Variants in LMNB2 observed in about 807,000 individuals in gnomAD.
The protein encoded by LMNB2 is lamin B2.
Under a neutral mutation model 69.3 loss-of-function variants are expected in LMNB2, and 17 were observed. The observed-to-expected ratio is 0.25, with a 90% CI of 0.17 to 0.37. The LOEUF is 0.37. Ranked by LOEUF, LMNB2 falls within the 10% of genes least tolerant of loss-of-function variation. LMNB2 has a pLI of 1.00. For synonymous variants in LMNB2, 397 were observed against 389.3 expected, an observed-to-expected ratio of 1.02 and a Z score of -0.23; for missense variants, 789 against 883.6, an observed-to-expected ratio of 0.89 and a Z score of 1.36.
chr19:2,455,350 A>C (rs1451735935), intron 1 of LMNB2, among the ~76,000 whole-genome samples: 7 of 124,304 alleles, frequency 5.6e-5, no homozygotes, highest in African/African-American at 1.3e-4. Flanking sequence ...CCCCCATTCC[A>C]CCCCAGATAC....
chr19:2,431,995 T>C (rs746500821), intron 9 of LMNB2, 93 bp from the exon 10 acceptor site: 7 of 1,482,686 alleles, frequency 4.7e-6, no homozygotes, highest in Non-Finnish European at 6.4e-6. Context: ...CCCCCTTCAA[T>C]GCCCTGGGCG....
At chr19:2,436,204 AC>A (rs1971819530) in intron 4 of LMNB2, among the ~76,000 whole-genome samples, 1 of 151,998 alleles carries the variant, frequency 6.6e-6, no homozygotes, top group Non-Finnish European at 1.5e-5. Flanking sequence ...AATCGCTTGA[AC>A]CCAGGAGGCG....
At chr19:2,440,776 A>C (rs1240483874) in intron 2 of LMNB2, among the ~76,000 whole-genome samples, 1 of 149,470 alleles carries the variant, frequency 6.7e-6, no homozygotes, top group Admixed American at 6.6e-5. Context: ...TCTATCCATT[A>C]TCTATCCATC....
chr19:2,437,733 G>A (rs2145453447), intron 4 of LMNB2, among the ~76,000 whole-genome samples: 1 of 149,968 alleles, frequency 6.7e-6, no homozygotes, highest in South Asian at 2.1e-4. Context: ...CTGGGAGGCG[G>A]AGGTTGCAGT....
chr19:2,436,494 G>A (rs1037144019), intron 4 of LMNB2, among the ~76,000 whole-genome samples: 15 of 151,844 alleles, frequency 9.9e-5, no homozygotes, highest in African/African-American at 1.5e-4. Flanking sequence ...AGAGCCCTGC[G>A]GGCCGCGCAC....
chr19:2,453,959 C>T lies in LMNB2; in HGVS notation c.264+2711G>A, dbSNP rs1260041812. Among the ~76,000 whole-genome samples the T allele has an allele frequency of 1.3e-5, 2 of 152,172 alleles. No individual in the cohort carries two copies. On this transcript the variant is annotated intron_variant, in intron 1 of 11. Coordinates refer to ENST00000325327, the MANE Select transcript of LMNB2 (RefSeq NM_032737.4). The surrounding 1 kb of genome is among the most constrained non-coding windows in gnomAD (Gnocchi z 4.4). ...TGGACAGATGGCAAGATGGAGGCTC[C>T]AAGAGACACAGGGGCCTGCCCAAAG...
At chr19:2,441,613 T>G (rs1477700251) in intron 2 of LMNB2, among the ~76,000 whole-genome samples, 2 of 152,186 alleles carry the variant, frequency 1.3e-5, no homozygotes, top group African/African-American at 4.8e-5. Flanking sequence ...GTGCCCGCTG[T>G]GTGGAAGGCA....
chr19:2,455,863 C>T (rs952495353), intron 1 of LMNB2, among the ~76,000 whole-genome samples: 1 of 151,596 alleles, frequency 6.6e-6, no homozygotes, highest in African/African-American at 2.4e-5. Context: ...GCTCAGGGTC[C>T]CCCGTGATCG....
At position 2,434,300 on chromosome 19, in the gene LMNB2, C is replaced by T. The variant is rs377234774; in HGVS notation, c.1197G>A (p.Glu399=). Residue 399 remains glutamate (E), a synonymous_variant, in exon 7 of 12, where the codon GAG becomes GAA. Coordinates refer to ENST00000325327, the MANE Select transcript of LMNB2 (RefSeq NM_032737.4). ...NAYRKLLEGE[E]ERLKLSPSPS... is the part of the protein sequence containing the mutation. ...AGCCTCCTGGCCTGCCGCACCTCTC[C>T]TCCTCGCCCTCCAGGAGCTTCCGGT... 17 of 1,612,600 alleles carry T rather than the reference C, an allele frequency of 1.1e-5. No individual in the cohort carries two copies. The African/African-American group carries it at 2.0e-4, about 19-fold the overall frequency.
intron 2 of LMNB2, 24 bp from the exon 3 acceptor site, chr19:2,438,555 G>A: frequency 6.2e-7 from 1 of 1,603,756 alleles, no homozygotes; most frequent in Middle Eastern, 2.2e-4. Context: ...GGGCAAGTGA[G>A]TGGGGAGGGG....
Position 2,438,286 on chromosome 19 carries a change from G to C in LMNB2, c.561C>G (p.Ala187=). 1 of 1,613,922 alleles carries C rather than the reference G, an allele frequency of 6.2e-7. No individual in the cohort carries two copies. Among genetic ancestry groups the C allele is most frequent in the Non-Finnish European group, 8.5e-7 (1 of 1,180,020 alleles). ...TTTTGGCCACTGCATGACCGTCCTC[G>C]GCCTGGGAGACACAGGACAGCGAGC... ...VAELRAQLAK[A]EDGHAVAKKQ... Residue 187 remains alanine, a splice_region_variant and synonymous_variant, in exon 4 of 12, where the codon GCC becomes GCG. Transcript: ENST00000325327.
At position 2,430,122 on chromosome 19, in the gene LMNB2, AG is replaced by A. The variant is rs200429328; in HGVS notation, c.*788del. ...CACAGCTTCTGCCTCCAAGGCAACC[AG>A]ATGTGTCCCCTCCACATCTCCCCTC... On this transcript the variant is annotated 3_prime_UTR_variant, in exon 12 of 12. Coordinates refer to ENST00000325327, the MANE Select transcript of LMNB2 (RefSeq NM_032737.4). The A allele has an allele frequency of 0.012, 1,913 of 153,558 alleles. 22 individuals carry two copies. The highest frequency in any genetic ancestry group is 0.022 in the Non-Finnish European group (1,485 of 68,962). The allele number at this position is 153,558 out of a possible 1,614,324, so 9.5% of individuals were successfully genotyped here. A position where few individuals can be genotyped will look rare whatever the true frequency, so the allele number is the denominator to read the frequency against.
At chr19:2,442,476 G>A (rs796268552) in intron 2 of LMNB2, among the ~76,000 whole-genome samples, 2 of 152,204 alleles carry the variant, frequency 1.3e-5, no homozygotes, top group Non-Finnish European at 2.9e-5. Flanking sequence ...GGCTGAGGCA[G>A]GAGAATCGTT....
intron 3 of LMNB2, 27 bp from the exon 4 acceptor site, chr19:2,438,315 T>G: frequency 6.2e-7 from 1 of 1,613,780 alleles, no homozygotes; most frequent in Non-Finnish European, 8.5e-7. Flanking sequence ...AGCGAGCTGG[T>G]GTGACAATCT....
chr19:2,456,602 C>T, intron 1 of LMNB2, 68 bp downstream of exon 1: 1 of 1,323,774 alleles, frequency 7.6e-7, no homozygotes, highest in Non-Finnish European at 9.7e-7. Flanking sequence ...TCCCCGCGAT[C>T]GCGCGCCCCG....
chr19:2,456,883 G>T lies in LMNB2; in HGVS notation c.51C>A (p.Ala17=). The T allele has an allele frequency of 9.2e-7, 1 of 1,089,494 alleles. No homozygotes were observed. The allele number at this position is 1,089,494 out of a possible 1,614,324, so 67.5% of individuals were successfully genotyped here. A position where few individuals can be genotyped will look rare whatever the true frequency, so the allele number is the denominator to read the frequency against. The change falls in exon 1 of 12, where the codon GCC becomes GCA. Residue 17 remains alanine (A), a synonymous_variant. Coordinates refer to ENST00000325327, the MANE Select transcript of LMNB2 (RefSeq NM_032737.4). ...GRRREQRRPR[A]AATMATPLPG... ...GCAGCGGCGTGGCCATGGTGGCGGC[G>T]GCTCGCGGCCTGCGCTGCTCCCGAC...
chr19:2,432,340 TC>T, intron 9 of LMNB2, 75 bp downstream of exon 9: 1 of 737,006 alleles, frequency 1.4e-6, no homozygotes, highest in Non-Finnish European at 2.1e-6. Context: ...CCCCGCCAAG[TC>T]CTGTGCCTCC....
rs562213742 is a variant in LMNB2, at chr19:2,453,694, G to A, written c.264+2976C>T. ...ACTGAGTTGTAAAGGATGCTGCTGC[G>A]GCCCCGAGAGGTGGCTGGGCCAGGC... On this transcript the variant is annotated intron_variant, in intron 1 of 11. Transcript: ENST00000325327. This position sits in a 1 kb window ranked among gnomAD's most constrained non-coding sequence, Gnocchi z 4.4. Among the ~76,000 whole-genome samples, 27 of 152,230 alleles carry A rather than the reference G, an allele frequency of 1.8e-4. No individual in the cohort carries two copies. Among genetic ancestry groups the A allele is most frequent in the Non-Finnish European group, 7.4e-5 (5 of 68,020 alleles).
intron 4 of LMNB2, among the ~76,000 whole-genome samples, chr19:2,435,898 C>A (rs1050885550): frequency 1.3e-5 from 2 of 152,164 alleles, no homozygotes; most frequent in African/African-American, 4.8e-5. Context: ...TGCCTGTAAT[C>A]CCAGCACTTT....
Sources: allele counts gnomAD v4.1 joint callset (sites outside exome capture counted in the v4.1 genomes callset), GRCh38; gene constraint gnomAD v4.1.1; non-coding constraint Gnocchi (gnomAD v3.1); transcripts MANE v1.5; gene names NCBI Gene and HGNC (gene_info 2026-07-23, HGNC 2026-07-21).